The following MECOM variants were observed in gnomAD, a reference collection of about 807,000 sequenced individuals.
MECOM encodes the protein histone-lysine N-methyltransferase MECOM.
A neutral mutation model predicts 116.3 loss-of-function variants in MECOM; 13 were observed. The observed-to-expected ratio is 0.11, with a 90% CI of 0.07 to 0.18. The LOEUF is 0.18. MECOM is among the 10% of genes least tolerant of loss of function. The pLI, the probability that MECOM is intolerant of heterozygous loss-of-function variation, is 1.00. For missense variants in MECOM, 1,299 were observed against 1,509.0 expected, an observed-to-expected ratio of 0.86 and a Z score of 2.31; for synonymous variants, 528 against 535.2, an observed-to-expected ratio of 0.99 and a Z score of 0.19.
intron 1 of MECOM, among the ~76,000 whole-genome samples, chr3:169,544,579 A>G (rs933587389): frequency 2.0e-5 from 3 of 152,226 alleles, no homozygotes; most frequent in Admixed American, 6.5e-5. Context: ...ACACATGTTT[A>G]TTGCAGCACT....
chr3:169,222,249 A>G (rs1752225339), intron 2 of MECOM, among the ~76,000 whole-genome samples: 1 of 152,230 alleles, frequency 6.6e-6, no homozygotes, highest in African/African-American at 2.4e-5. Context: ...AGCTAATTAA[A>G]GCAAACTTAA....
chr3:169,194,805 G>C (rs1748199887), intron 2 of MECOM, among the ~76,000 whole-genome samples: 1 of 152,180 alleles, frequency 6.6e-6, no homozygotes, highest in African/African-American at 2.4e-5. Context: ...AGTAGTATCA[G>C]ACTGAAGCTG....
chr3:169,138,194 T>C (rs1736954810), intron 3 of MECOM, among the ~76,000 whole-genome samples: 1 of 152,142 alleles, frequency 6.6e-6, no homozygotes, highest in African/African-American at 2.4e-5. Flanking sequence ...GTCTATTGTG[T>C]ATGTGATGCT....
intron 1 of MECOM, among the ~76,000 whole-genome samples, chr3:169,384,756 T>C (rs1733016022): frequency 6.6e-6 from 1 of 152,108 alleles, no homozygotes; most frequent in Non-Finnish European, 1.5e-5. Context: ...TTTCCCCTAC[T>C]TCCTCAAAGT....
chr3:169,112,977 T>C (rs2149049936), intron 8 of MECOM, 103 bp from the exon 9 acceptor site: 1 of 835,270 alleles, frequency 1.2e-6, no homozygotes, highest in East Asian at 2.5e-5. Flanking sequence ...CAATGGTAGG[T>C]TTCTGGGAAG....
At chr3:169,392,749 A>C (rs914725163) in intron 1 of MECOM, among the ~76,000 whole-genome samples, 1 of 152,180 alleles carries the variant, frequency 6.6e-6, no homozygotes, top group Non-Finnish European at 1.5e-5. Context: ...TAGAACCTCT[A>C]TCCTTAAGTT....
At chr3:169,199,482 T>C (rs1748876601) in intron 2 of MECOM, among the ~76,000 whole-genome samples, 1 of 152,072 alleles carries the variant, frequency 6.6e-6, no homozygotes, top group African/African-American at 2.4e-5. Context: ...GATGCAATCA[T>C]GGCTCATTAC....
intron 1 of MECOM, among the ~76,000 whole-genome samples, chr3:169,525,581 GTT>G (rs1362157079): frequency 6.6e-6 from 1 of 152,154 alleles, no homozygotes; most frequent in Non-Finnish European, 1.5e-5. Context: ...GTTTGGTTTT[GTT>G]TTTTGTCTCC....
chr3:169,145,024 C>G, intron 2 of MECOM: 1 of 1,557,318 alleles, frequency 6.4e-7, no homozygotes, highest in Non-Finnish European at 8.7e-7. Context: ...ACCCAGTGCT[C>G]CAAGGGCTTT....
chr3:169,447,990 A>C (rs377561052), intron 1 of MECOM: 5 of 152,276 alleles, frequency 3.3e-5, no homozygotes, highest in East Asian at 3.9e-4. Context: ...ATGGCTGGGC[A>C]ACTAGGAGTC....
At chr3:169,144,892 T>C in intron 2 of MECOM, 1 of 849,552 alleles carries the variant, frequency 1.2e-6, no homozygotes, top group South Asian at 1.5e-5. Flanking sequence ...GCTGTATGCA[T>C]AACCACATAA....
At chr3:169,614,723 G>A (rs1476665927) in intron 1 of MECOM, 1 of 151,658 alleles carries the variant, frequency 6.6e-6, no homozygotes, top group Non-Finnish European at 1.5e-5. Flanking sequence ...AAAAAAAGAC[G>A]GTCTCTCACT....
At chr3:169,512,810 T>G (rs1756143928) in intron 1 of MECOM, among the ~76,000 whole-genome samples, 1 of 152,132 alleles carries the variant, frequency 6.6e-6, no homozygotes, top group African/African-American at 2.4e-5. Context: ...CCCTTCCCAC[T>G]TCTTCCTGCA....
intron 1 of MECOM, among the ~76,000 whole-genome samples, chr3:169,394,862 C>T (rs1426444444): frequency 2.0e-5 from 3 of 151,974 alleles, no homozygotes; most frequent in Non-Finnish European, 4.4e-5. Flanking sequence ...TCCTGGATCT[C>T]GACACCATTT....
chr3:169,112,491 CT>C (rs554845345), intron 9 of MECOM, among the ~76,000 whole-genome samples: 56 of 152,246 alleles, frequency 3.7e-4, no homozygotes, highest in African/African-American at 1.3e-3. Flanking sequence ...CAAAACACAT[CT>C]TGGATATTTA....
chr3:169,384,886 T>C (rs1304147942), intron 1 of MECOM, among the ~76,000 whole-genome samples: 3 of 152,032 alleles, frequency 2.0e-5, no homozygotes, highest in Admixed American at 6.6e-5. Flanking sequence ...GTGGATTGCC[T>C]GAGCTCAAGC....
chr3:169,446,412 A>G (rs561975855), intron 1 of MECOM, among the ~76,000 whole-genome samples: 1 of 152,242 alleles, frequency 6.6e-6, no homozygotes, highest in Non-Finnish European at 1.5e-5. Context: ...TTGCCCTGCC[A>G]TGATTCTGAG....
At chr3:169,137,320 T>C (rs1373222465) in intron 3 of MECOM, among the ~76,000 whole-genome samples, 1 of 152,052 alleles carries the variant, frequency 6.6e-6, no homozygotes, top group Admixed American at 6.6e-5. Context: ...TTAGGAAACA[T>C]AGTCTGGACC....
chr3:169,440,606 A>G lies in MECOM; in HGVS notation c.38-59082T>C, dbSNP rs551771101. Among the ~76,000 whole-genome samples, 25 of 152,254 alleles carry G rather than the reference A, an allele frequency of 1.6e-4. No homozygotes were observed. The South Asian group carries it at 5.0e-3, about 30-fold the overall frequency. ...AAGACAACACTCTAAATAGTTTGCA[A>G]TTGAGTGAATTGACAAGGTTTGGAT... On this transcript the variant is annotated intron_variant, in intron 1 of 16. Transcript: ENST00000651503.
Sources: gnomAD v4.1 joint callset for allele counts (sites outside exome capture counted in the v4.1 genomes callset) on GRCh38, gnomAD v4.1.1 for gene constraint, MANE v1.5 for transcripts, NCBI Gene and HGNC (gene_info 2026-07-23, HGNC 2026-07-21) for gene names.